Variants in EYS observed in about 807,000 individuals in gnomAD.
EYS encodes the protein protein eyes shut homolog.
Under a neutral mutation model 282.1 loss-of-function variants are expected in EYS, and 250 were observed. The observed-to-expected ratio is 0.89, with a 90% CI of 0.80 to 0.98. The LOEUF is 0.98. Ranked by LOEUF, EYS falls within the 50% of genes least tolerant of loss-of-function variation. The pLI, the probability that EYS is intolerant of heterozygous loss-of-function variation, is 0.00. For missense variants in EYS, 4,016 were observed against 3,709.0 expected (o/e 1.08, Z -2.15); for synonymous variants, 1,355 against 1,282.9 (o/e 1.06, Z -1.20).
intron 18 of EYS, among the ~76,000 whole-genome samples, chr6:64,899,681 T>C (rs1028447628): frequency 2.0e-5 from 3 of 151,994 alleles, no homozygotes; most frequent in African/African-American, 7.2e-5. Flanking sequence ...AAGTGATTGA[T>C]GAACCTCTTC....
chr6:65,460,074 T>TACAC (rs71002308), intron 5 of EYS, among the ~76,000 whole-genome samples: 10,537 of 135,212 alleles, frequency 0.078, 535 homozygotes, highest in South Asian at 0.13. Flanking sequence ...TATATATGTA[T>TACAC]ACACACACAC....
At chr6:64,228,526 T>C (rs1766319159) in intron 31 of EYS, among the ~76,000 whole-genome samples, 1 of 152,162 alleles carries the variant, frequency 6.6e-6, no homozygotes, top group Non-Finnish European at 1.5e-5. Flanking sequence ...TCATAGTGTC[T>C]GATTATCATG....
chr6:63,726,438 T>G, intron 42 of EYS, 81 bp downstream of exon 42: 5 of 1,195,386 alleles, frequency 4.2e-6, no homozygotes, highest in Non-Finnish European at 5.7e-6. Context: ...ATTTAAATAC[T>G]AGGTGACACA....
At chr6:65,227,751 A>G (rs1766665708) in intron 12 of EYS, among the ~76,000 whole-genome samples, 1 of 152,178 alleles carries the variant, frequency 6.6e-6, no homozygotes, top group Admixed American at 6.6e-5. Context: ...TAAAAAATGA[A>G]ATTATGATAC....
intron 22 of EYS, among the ~76,000 whole-genome samples, chr6:64,699,331 A>C (rs569330033): frequency 2.2e-4 from 33 of 152,214 alleles, no homozygotes; most frequent in Non-Finnish European, 2.9e-5. Flanking sequence ...TTGAGGGTGG[A>C]GCATGGGAGC....
intron 12 of EYS, among the ~76,000 whole-genome samples, chr6:65,227,700 C>A (rs994237526): frequency 2.6e-5 from 4 of 151,728 alleles, no homozygotes; most frequent in African/African-American, 9.7e-5. Context: ...AATGAATAAA[C>A]AAAATGTGGT....
At chr6:64,274,730 T>C (rs1768056141) in intron 30 of EYS, among the ~76,000 whole-genome samples, 1 of 152,080 alleles carries the variant, frequency 6.6e-6, no homozygotes, top group Non-Finnish European at 1.5e-5. Context: ...GTACGGTGTC[T>C]TTGTTATGTT....
In EYS at chr6:64,023,937, G is replaced by A. The variant is rs193130859; in HGVS notation, c.6726-24754C>T. The stretch of plus-strand genomic sequence containing the variant: ...TAGCACCTGGGCCAGCAGCTGCTGT[G>A]CTCAATTTCTCACCGGGCCTTGGCT... On this transcript the variant is annotated intron_variant, in intron 33 of 42. Transcript: ENST00000503581. Among the ~76,000 whole-genome samples the A allele has an allele frequency of 7.3e-4, 111 of 152,314 alleles. 2 individuals are homozygous for A. In the East Asian group the frequency reaches 0.019, roughly 25 times the overall value.
At chr6:65,395,650 T>G (rs1025978729) in intron 7 of EYS, among the ~76,000 whole-genome samples, 15 of 152,168 alleles carry the variant, frequency 9.9e-5, no homozygotes, top group Admixed American at 6.6e-4. Context: ...TTTTTCGTCT[T>G]TATTTTTTTA....
chr6:65,163,467 TA>T (rs1444011675), intron 12 of EYS, among the ~76,000 whole-genome samples: 1 of 151,342 alleles, frequency 6.6e-6, no homozygotes, highest in Admixed American at 6.6e-5. Flanking sequence ...TTTACAATTC[TA>T]AAATTGGAAA....
intron 36 of EYS, chr6:63,857,498 C>T (rs989365557): frequency 4.4e-6 from 1 of 226,126 alleles, no homozygotes; most frequent in African/African-American, 2.3e-5. Flanking sequence ...GCTTACTCTT[C>T]AAAGCCATAA....
chr6:65,512,974 C>A (rs892051399), intron 2 of EYS, among the ~76,000 whole-genome samples: 2 of 152,100 alleles, frequency 1.3e-5, no homozygotes, highest in African/African-American at 4.8e-5. Flanking sequence ...ACACAAAAAA[C>A]CCTTCAAAAA....
rs150431109 is a variant in EYS at position 64,306,867 on chromosome 6, C to T, written c.6191+103G>A. 1.1e-3 allele frequency: 752 copies of T among 660,644 alleles called. 7 individuals carry two copies. Among genetic ancestry groups the T allele is most frequent in the African/African-American group, 0.01 (562 of 53,714 alleles). 40.9% of individuals were successfully genotyped at this position (660,644 alleles called of 1,614,324 possible). Reference sequence around the variant, plus strand: ...GGAATGTGAAGCAAAAACAAAGAAACGAAATATAGTGCAGCCTTCATTAGA... The same window carrying T: ...GGAATGTGAAGCAAAAACAAAGAAATGAAATATAGTGCAGCCTTCATTAGA... On this transcript the variant is annotated intron_variant, in intron 30 of 42. Transcript: ENST00000503581.
intron 36 of EYS, among the ~76,000 whole-genome samples, chr6:63,843,487 T>G (rs558767486): frequency 2.6e-4 from 40 of 152,284 alleles, no homozygotes; most frequent in Non-Finnish European, 5.1e-4. Flanking sequence ...GCTTATCAGC[T>G]TACAGAGTTT....
At chr6:65,576,818 C>T (rs1764686529) in intron 2 of EYS, among the ~76,000 whole-genome samples, 1 of 151,644 alleles carries the variant, frequency 6.6e-6, no homozygotes, top group South Asian at 2.1e-4. Flanking sequence ...TAAGATTATT[C>T]ACCACAGCTA....
intron 26 of EYS, among the ~76,000 whole-genome samples, chr6:64,469,680 G>C (rs1016785341): frequency 6.6e-6 from 1 of 151,960 alleles, no homozygotes; most frequent in Non-Finnish European, 1.5e-5. Context: ...AAAAACACCC[G>C]CTACTTAGTG....
chr6:65,009,657 G>A (rs1408454058), intron 13 of EYS, among the ~76,000 whole-genome samples: 2 of 152,144 alleles, frequency 1.3e-5, no homozygotes, highest in East Asian at 1.9e-4. Context: ...GGACACTCTT[G>A]TCCTTTGGTA....
chr6:64,213,903 G>A (rs1393624033), intron 31 of EYS, among the ~76,000 whole-genome samples: 2 of 152,068 alleles, frequency 1.3e-5, no homozygotes, highest in South Asian at 2.1e-4. Context: ...CTGAACAATG[G>A]TATGGTTGAT....
At chr6:63,796,291 T>G (rs1373608559) in intron 37 of EYS, among the ~76,000 whole-genome samples, 1 of 152,144 alleles carries the variant, frequency 6.6e-6, no homozygotes, top group Non-Finnish European at 1.5e-5. Flanking sequence ...GTTCTTTACA[T>G]AAGGGTTCAC....
Sources: allele counts gnomAD v4.1 joint callset (sites outside exome capture counted in the v4.1 genomes callset), GRCh38; gene constraint gnomAD v4.1.1; transcripts MANE v1.5; gene names NCBI Gene and HGNC (gene_info 2026-07-23, HGNC 2026-07-21).